Variants in RP1 observed in about 807,000 individuals in gnomAD.
RP1 encodes RP1 axonemal microtubule associated.
In RP1, 16 loss-of-function variants were observed where a neutral mutation model predicts 14.8. The ratio of observed to expected loss-of-function variants is 1.08; its 90% CI spans 0.73 to 1.65. The LOEUF (loss-of-function observed/expected upper bound fraction) is 1.65, where lower values mean the gene tolerates loss of function less well. RP1 is among the 40% of genes most tolerant of loss of function. The pLI, the probability that RP1 is intolerant of heterozygous loss-of-function variation, is 0.00. For missense variants in RP1, 2,631 were observed against 2,535.0 expected, an observed-to-expected ratio of 1.04 and a Z score of -0.81; for synonymous variants, 876 against 883.6, an observed-to-expected ratio of 0.99 and a Z score of 0.15.
intron 12 of RP1, among the ~76,000 whole-genome samples, chr8:54,691,240 G>A (rs1807702533): frequency 6.6e-6 from 1 of 151,992 alleles, no homozygotes; most frequent in African/African-American, 2.4e-5. Flanking sequence ...TGGGAATATT[G>A]ATTGAGAAGA....
intron 1 of RP1, among the ~76,000 whole-genome samples, chr8:54,574,271 A>T (rs1804594981): frequency 6.6e-6 from 1 of 152,150 alleles, no homozygotes; most frequent in Admixed American, 6.5e-5. Context: ...GTCATGAAAC[A>T]ACTGTGAAAG....
intron 1 of RP1, among the ~76,000 whole-genome samples, chr8:54,574,531 G>A (rs1804602440): frequency 1.3e-5 from 2 of 152,104 alleles, no homozygotes; most frequent in African/African-American, 4.8e-5. Flanking sequence ...AGCATCACTT[G>A]GGACAAATAT....
At chr8:54,844,425 A>G (rs896127442) in intron 25 of RP1, among the ~76,000 whole-genome samples, 1 of 152,140 alleles carries the variant, frequency 6.6e-6, no homozygotes, top group Non-Finnish European at 1.5e-5. Flanking sequence ...GGTCTCATGG[A>G]TTTCACTGGG....
chr8:54,644,636 A>G (rs1806511840), intron 3 of RP1, among the ~76,000 whole-genome samples: 1 of 152,198 alleles, frequency 6.6e-6, no homozygotes, highest in Non-Finnish European at 1.5e-5. Flanking sequence ...TCCAGAGCCT[A>G]TCTAGAAAGC....
At chr8:54,819,536 G>A (rs767933104) in intron 24 of RP1, among the ~76,000 whole-genome samples, 4 of 152,060 alleles carry the variant, frequency 2.6e-5, no homozygotes, top group African/African-American at 7.2e-5. Flanking sequence ...GATTGTTGAC[G>A]TCTGGGCATT....
At chr8:54,778,321 C>CTTT (rs35643905) in intron 23 of RP1, among the ~76,000 whole-genome samples, 38 of 96,718 alleles carry the variant, frequency 3.9e-4, no homozygotes, top group African/African-American at 5.6e-4. Flanking sequence ...GCTTCTTCTT[C>CTTT]TTTTTTTTTT....
At chr8:54,859,631 C>T (rs942212291) in intron 27 of RP1, among the ~76,000 whole-genome samples, 5 of 151,712 alleles carry the variant, frequency 3.3e-5, no homozygotes, top group East Asian at 1.9e-4. Context: ...GGGGTGTTAC[C>T]GTAGATGAGT....
chr8:54,821,798 T>C lies in RP1; in HGVS notation c.3616-15652T>C, dbSNP rs576348710. ...GCTCTCCTGCGTCCTGTACTGCCCA[T>C]ATTTTGCCTCTGATAATGCACACCA... On this transcript the variant is annotated intron_variant, in intron 24 of 28. Coordinates refer to the RP1 transcript ENST00000637698. Among the ~76,000 whole-genome samples, 25 of 152,346 alleles carry C rather than the reference T, an allele frequency of 1.6e-4. 1 individual carries two copies. The South Asian group carries it at 4.8e-3, about 29-fold the overall frequency.
intron 16 of RP1, chr8:54,720,373 A>T (rs1456119697): frequency 7.5e-7 from 1 of 1,339,186 alleles, no homozygotes; most frequent in East Asian, 2.6e-5. Context: ...AGTGTCTGAA[A>T]ATTTCATCAC....
At chr8:54,564,450 G>A (rs1429194258) in intron 1 of RP1, among the ~76,000 whole-genome samples, 1 of 152,110 alleles carries the variant, frequency 6.6e-6, no homozygotes, top group African/African-American at 2.4e-5. Flanking sequence ...TGGAAGTACT[G>A]AGCTCAGAGG....
chr8:54,692,028 C>T (rs976519004), intron 12 of RP1, among the ~76,000 whole-genome samples: 4 of 151,786 alleles, frequency 2.6e-5, no homozygotes, highest in Non-Finnish European at 2.9e-5. Flanking sequence ...CATGTGTTCT[C>T]GTTGTTCAAT....
chr8:54,841,857 G>A (rs1349631307), intron 25 of RP1, among the ~76,000 whole-genome samples: 1 of 152,158 alleles, frequency 6.6e-6, no homozygotes, highest in East Asian at 1.9e-4. Flanking sequence ...AAGAAGGTGA[G>A]GTTCGAGGCC....
intron 1 of RP1, among the ~76,000 whole-genome samples, chr8:54,607,938 C>T (rs1264384756): frequency 6.6e-6 from 1 of 152,128 alleles, no homozygotes; most frequent in Non-Finnish European, 1.5e-5. Context: ...CAGGTGCTGT[C>T]TGTCACCTCT....
In RP1 at chr8:54,627,853, A is replaced by T. The variant is rs767711521; in HGVS notation, c.3971A>T (p.Glu1324Val). The T allele has an allele frequency of 1.9e-6, 3 of 1,614,174 alleles. No individual in the cohort carries two copies. The highest frequency in any genetic ancestry group is 2.5e-6 in the Non-Finnish European group (3 of 1,179,988). The change falls in exon 4 of 4, where the codon GAG (glutamate) becomes GTG (valine). Residue 1324 changes from glutamate (E) to valine (V), a missense_variant. Glu to Val is a moderately radical substitution (Grantham distance 121). Transcript: ENST00000220676. ...GCTCAAAAGGAGAACCATACCTATG[A>T]GGGAGCTTGCCCAATTGATGAGACC... ...ACAQKENHTY[E>V]GACPIDETYV... is the part of the protein sequence containing the mutation.
rs1407449469 is a variant in RP1, at chr8:54,670,699, ATATATAT to A, written c.1324-3150_1324-3144del. ...TATATATATATATATATATATATAT[ATATATAT>A]AAAACATTAAGTCCTGGTGAATTAA... On this transcript the variant is annotated intron_variant, in intron 7 of 22. Coordinates refer to the RP1 transcript ENST00000636932. Among the ~76,000 whole-genome samples the A allele has an allele frequency of 2.2e-4, 31 of 138,608 alleles. 1 individual carries two copies. The highest frequency in any genetic ancestry group is 7.8e-4 in the African/African-American group (29 of 37,242). 90.9% of individuals were successfully genotyped at this position (138,608 alleles called of 152,430 possible). A position where few individuals can be genotyped will look rare whatever the true frequency, so the allele number is the denominator to read the frequency against.
chr8:54,583,452 C>T (rs892340026), intron 1 of RP1, among the ~76,000 whole-genome samples: 2 of 151,958 alleles, frequency 1.3e-5, no homozygotes, highest in Admixed American at 6.6e-5. Context: ...AATATTGGTC[C>T]AAAATTCTCT....
chr8:54,845,229 G>T (rs1462709653), intron 25 of RP1, among the ~76,000 whole-genome samples: 4 of 152,176 alleles, frequency 2.6e-5, no homozygotes, highest in African/African-American at 9.7e-5. Context: ...GTTGCAGAGT[G>T]CCTGGGAAGG....
intron 24 of RP1, among the ~76,000 whole-genome samples, chr8:54,789,123 A>G (rs1228562155): frequency 2.0e-5 from 3 of 152,162 alleles, no homozygotes; most frequent in African/African-American, 7.2e-5. Flanking sequence ...GTCAGCCAGG[A>G]ACAAAGAAGC....
intron 1 of RP1, among the ~76,000 whole-genome samples, chr8:54,576,520 T>C (rs1328233511): frequency 6.6e-6 from 1 of 152,226 alleles, no homozygotes. Context: ...TTCAAAGATA[T>C]GTTAGATGTC....
Sources: allele counts gnomAD v4.1 joint callset (sites outside exome capture counted in the v4.1 genomes callset), GRCh38; gene constraint gnomAD v4.1.1; transcripts MANE v1.5; gene names NCBI Gene and HGNC (gene_info 2026-07-23, HGNC 2026-07-21).